Variants in PDE4D observed in about 807,000 individuals in gnomAD.
The protein encoded by PDE4D is phosphodiesterase 4D.
In PDE4D, 24 loss-of-function variants were observed where a neutral mutation model predicts 87.4. The observed-to-expected ratio is 0.27, with a 90% CI of 0.20 to 0.39. PDE4D has a LOEUF of 0.39. Among genes scored for constraint, PDE4D ranks in the 10% least tolerant of loss-of-function variants. The probability of loss-of-function intolerance (pLI) is 1.00; values close to 1 mark genes in which losing one functional copy is unlikely to be tolerated. For synonymous variants in PDE4D, 384 were observed against 383.2 expected, an observed-to-expected ratio of 1.00 and a Z score of -0.02; for missense variants, 714 against 1,041.0, an observed-to-expected ratio of 0.69 and a Z score of 4.32.
chr5:59,574,057 TAA>T (rs1245624819), intron 1 of PDE4D, among the ~76,000 whole-genome samples: 826 of 63,236 alleles, frequency 0.013, 18 homozygotes, highest in African/African-American at 0.048. Flanking sequence ...TATTTATATA[TAA>T]AAATATATAT....
Position 59,200,087 on chromosome 5 carries a change from G to GCA in PDE4D, c.648-6552_648-6551insTG, listed in dbSNP as rs1561688638. Among the ~76,000 whole-genome samples, 435 of 149,876 alleles carry GCA rather than the reference G, an allele frequency of 2.9e-3. 3 individuals carry two copies. Among genetic ancestry groups the GCA allele is most frequent in the Admixed American group, 7.8e-3 (119 of 15,198 alleles). On this transcript the variant is annotated intron_variant, in intron 2 of 14. Coordinates refer to ENST00000340635, the MANE Select transcript of PDE4D (RefSeq NM_001104631.2). The stretch of plus-strand genomic sequence containing the variant: ...TACACACACGTATGCACACATACAT[G>GCA]TATGTAGACATACATGTATGCACAC...
chr5:59,074,292 T>G (rs1765335163), intron 5 of PDE4D, among the ~76,000 whole-genome samples: 1 of 152,144 alleles, frequency 6.6e-6, no homozygotes, highest in Non-Finnish European at 1.5e-5. Context: ...ATAACATGAA[T>G]TACCTTGGAG....
intron 3 of PDE4D, among the ~76,000 whole-genome samples, chr5:59,973,952 C>T (rs1761046436): frequency 6.6e-6 from 1 of 152,150 alleles, no homozygotes; most frequent in African/African-American, 2.4e-5. Context: ...AATCATACAA[C>T]TCTATCAAAT....
intron 1 of PDE4D, among the ~76,000 whole-genome samples, chr5:60,471,223 AATT>A (rs954373983): frequency 2.6e-5 from 4 of 152,160 alleles, no homozygotes; most frequent in Non-Finnish European, 5.9e-5. Context: ...AGAGAACTAG[AATT>A]AGAAGTGGAG....
intron 1 of PDE4D, among the ~76,000 whole-genome samples, chr5:59,824,313 T>A (rs1014104253): frequency 1.3e-5 from 2 of 152,212 alleles, no homozygotes; most frequent in African/African-American, 4.8e-5. Flanking sequence ...ACATGTCCAC[T>A]GGAACTGGCC....
At chr5:59,913,562 T>C (rs1743864554) in intron 3 of PDE4D, among the ~76,000 whole-genome samples, 2 of 152,270 alleles carry the variant, frequency 1.3e-5, no homozygotes, top group Admixed American at 6.5e-5. Flanking sequence ...AGAGCTTTGG[T>C]GGAAATAAGT....
chr5:59,855,469 C>T (rs192435923), intron 1 of PDE4D, among the ~76,000 whole-genome samples: 85 of 152,288 alleles, frequency 5.6e-4, no homozygotes, highest in African/African-American at 1.9e-3. Context: ...CAAGCATGCT[C>T]TCCAAGGGAA....
At chr5:59,863,946 G>A (rs1746651833) in intron 1 of PDE4D, among the ~76,000 whole-genome samples, 1 of 152,086 alleles carries the variant, frequency 6.6e-6, no homozygotes, top group Non-Finnish European at 1.5e-5. Flanking sequence ...ACCCTGACTG[G>A]CTCCCTGGAA....
chr5:59,393,185 T>C (rs61050696), intron 1 of PDE4D, among the ~76,000 whole-genome samples: 7 of 152,032 alleles, frequency 4.6e-5, no homozygotes, highest in African/African-American at 1.7e-4. Flanking sequence ...ATATACTGAT[T>C]TGAGTGAACC....
intron 5 of PDE4D, among the ~76,000 whole-genome samples, chr5:59,040,387 T>C (rs1759474920): frequency 6.6e-6 from 1 of 152,204 alleles, no homozygotes; most frequent in Admixed American, 6.5e-5. Context: ...AAGAACCACA[T>C]GGTAAGGAGA....
intron 1 of PDE4D, among the ~76,000 whole-genome samples, chr5:59,665,025 C>T (rs1397337313): frequency 6.6e-6 from 1 of 152,112 alleles, no homozygotes; most frequent in Non-Finnish European, 1.5e-5. Flanking sequence ...TTATCATGAC[C>T]CTCTGCCCCT....
At position 60,228,072 on chromosome 5, in the gene PDE4D, C is replaced by T. The variant is rs533001544; in HGVS notation, c.-89-42385G>A. ...TCACTTTACTCTTCTACTCTACTCT[C>T]CTTGCCCTTTAAATAATTCAAACAC... On this transcript the variant is annotated intron_variant, in intron 1 of 16. Transcript: ENST00000502484. Among the ~76,000 whole-genome samples the T allele has an allele frequency of 2.6e-5, 4 of 152,106 alleles. No homozygotes were observed. In the South Asian group the frequency reaches 8.3e-4, roughly 32 times the overall value.
At chr5:60,200,943 G>A (rs1741829063) in intron 1 of PDE4D, among the ~76,000 whole-genome samples, 1 of 152,082 alleles carries the variant, frequency 6.6e-6, no homozygotes, top group African/African-American at 2.4e-5. Context: ...TGATTTTTAA[G>A]ATTTAATAAA....
chr5:59,733,912 G>A (rs1212262528), intron 1 of PDE4D, among the ~76,000 whole-genome samples: 1 of 152,054 alleles, frequency 6.6e-6, no homozygotes, highest in Non-Finnish European at 1.5e-5. Context: ...ATTACTGAAA[G>A]AGTAAACTTG....
At chr5:60,478,945 G>A (rs188055358) in intron 1 of PDE4D, among the ~76,000 whole-genome samples, 8 of 152,280 alleles carry the variant, frequency 5.3e-5, no homozygotes, top group Admixed American at 5.2e-4. Context: ...GCGCTGTAGA[G>A]CCTTCTAGTA....
At chr5:59,513,304 A>G (rs1288886335) in intron 1 of PDE4D, among the ~76,000 whole-genome samples, 1 of 152,218 alleles carries the variant, frequency 6.6e-6, no homozygotes, top group Non-Finnish European at 1.5e-5. Flanking sequence ...GCAACTCTGT[A>G]TCATATTGAG....
chr5:59,103,928 AAATGTAAAACTATCC>A (rs1403118095), intron 5 of PDE4D, among the ~76,000 whole-genome samples: 4 of 152,240 alleles, frequency 2.6e-5, no homozygotes, highest in Non-Finnish European at 5.9e-5. Context: ...GCCACTTACT[AAATGTAAAACTATCC>A]CACAGCCGTG....
chr5:59,170,502 G>T (rs1782591748), intron 5 of PDE4D, among the ~76,000 whole-genome samples: 1 of 152,138 alleles, frequency 6.6e-6, no homozygotes, highest in Admixed American at 6.6e-5. Flanking sequence ...TCTAGGCAAG[G>T]AGAGGCAAAC....
At chr5:59,932,401 T>C (rs775153345) in intron 3 of PDE4D, among the ~76,000 whole-genome samples, 13 of 152,196 alleles carry the variant, frequency 8.5e-5, no homozygotes, top group Non-Finnish European at 1.9e-4. Flanking sequence ...TTGCAACTCT[T>C]GTTTACTAAT....
Sources: allele counts gnomAD v4.1 joint callset (sites outside exome capture counted in the v4.1 genomes callset), GRCh38; gene constraint gnomAD v4.1.1; transcripts MANE v1.5; gene names NCBI Gene and HGNC (gene_info 2026-07-23, HGNC 2026-07-21).